The following CADM2 variants were observed in gnomAD, a reference collection of about 807,000 sequenced individuals.
CADM2 encodes immunoglobulin superfamily member 4D.
Under a neutral mutation model 49.8 loss-of-function variants are expected in CADM2, and 12 were observed. That is an observed-to-expected ratio of 0.24 (90% CI 0.15 to 0.39). The LOEUF (loss-of-function observed/expected upper bound fraction) is 0.39. Among genes scored for constraint, CADM2 ranks in the 10% least tolerant of loss-of-function variants. The probability of loss-of-function intolerance (pLI) is 1.00; values close to 1 mark genes in which losing one functional copy is unlikely to be tolerated. For synonymous variants in CADM2, 214 were observed against 175.4 expected (o/e 1.22, Z -1.74); for missense variants, 378 against 492.3 (o/e 0.77, Z 2.20).
At chr3:85,032,271 T>C (rs2035024117) in intron 1 of CADM2, among the ~76,000 whole-genome samples, 1 of 151,812 alleles carries the variant, frequency 6.6e-6, no homozygotes. Context: ...GGAAACAAGG[T>C]CACAAAGATA....
At chr3:85,931,879 A>T (rs1458754538) in intron 6 of CADM2, among the ~76,000 whole-genome samples, 1 of 151,562 alleles carries the variant, frequency 6.6e-6, no homozygotes, top group Non-Finnish European at 1.5e-5. Context: ...TTTAAAATTT[A>T]AAATTATTTT....
chr3:85,846,874 T>C (rs775726509), intron 3 of CADM2, among the ~76,000 whole-genome samples: 35 of 152,112 alleles, frequency 2.3e-4, no homozygotes, highest in Non-Finnish European at 2.9e-5. Context: ...AATAAATAAA[T>C]TAAAATATAA....
intron 1 of CADM2, among the ~76,000 whole-genome samples, chr3:85,020,312 T>C (rs1202673313): frequency 1.3e-5 from 2 of 152,172 alleles, no homozygotes; most frequent in Non-Finnish European, 2.9e-5. Flanking sequence ...ACATTTGCTT[T>C]AGGATTAGAT....
intron 1 of CADM2, among the ~76,000 whole-genome samples, chr3:85,019,898 T>C (rs1283524319): frequency 6.6e-6 from 1 of 152,178 alleles, no homozygotes; most frequent in African/African-American, 2.4e-5. Flanking sequence ...AGTAGATAGA[T>C]TCTAAAACAG....
chr3:85,976,102 G>A (rs1049380053), intron 8 of CADM2, among the ~76,000 whole-genome samples: 2 of 151,504 alleles, frequency 1.3e-5, no homozygotes, highest in Admixed American at 6.6e-5. Context: ...TATGATGTAT[G>A]TGTGCATGTA....
chr3:85,191,285 T>C (rs2041200814), intron 1 of CADM2, among the ~76,000 whole-genome samples: 1 of 152,036 alleles, frequency 6.6e-6, no homozygotes, highest in Non-Finnish European at 1.5e-5. Context: ...TAACTTATTT[T>C]TGAGTCATCA....
chr3:85,310,929 G>A (rs935226900), intron 1 of CADM2, among the ~76,000 whole-genome samples: 11 of 152,114 alleles, frequency 7.2e-5, no homozygotes, highest in African/African-American at 2.7e-4. Flanking sequence ...AGGGAGTGTG[G>A]TGAGTCTATG....
intron 1 of CADM2, among the ~76,000 whole-genome samples, chr3:85,469,638 G>T (rs903161966): frequency 3.9e-5 from 6 of 152,138 alleles, no homozygotes; most frequent in African/African-American, 1.4e-4. Context: ...CTATCAGATG[G>T]GATGTGATTC....
At chr3:85,594,470 T>C (rs2063189666) in intron 1 of CADM2, among the ~76,000 whole-genome samples, 1 of 151,948 alleles carries the variant, frequency 6.6e-6, no homozygotes, top group Non-Finnish European at 1.5e-5. Flanking sequence ...ATAATTGTTT[T>C]GTTGTCCCTA....
chr3:85,871,462 T>G (rs182320862), intron 3 of CADM2, among the ~76,000 whole-genome samples: 1 of 152,296 alleles, frequency 6.6e-6, no homozygotes, highest in Admixed American at 6.5e-5. Flanking sequence ...TTAAGAGATC[T>G]ATAGGCTCTA....
chr3:85,501,755 G>C (rs758175281), intron 1 of CADM2, among the ~76,000 whole-genome samples: 1 of 151,858 alleles, frequency 6.6e-6, no homozygotes, highest in African/African-American at 2.4e-5. Flanking sequence ...GTATATCTTC[G>C]TTTAATACTT....
intron 8 of CADM2, among the ~76,000 whole-genome samples, chr3:86,041,672 A>G (rs1391630465): frequency 1.3e-5 from 2 of 152,118 alleles, no homozygotes; most frequent in African/African-American, 2.4e-5. Flanking sequence ...AGACAGATCA[A>G]CAGACAGAAA....
chr3:85,860,803 A>G (rs903954678), intron 3 of CADM2, among the ~76,000 whole-genome samples: 3 of 152,190 alleles, frequency 2.0e-5, no homozygotes, highest in South Asian at 4.1e-4. Flanking sequence ...CATTCAGACT[A>G]TAACAATCAG....
chr3:85,964,850 A>G (rs1725281988), intron 8 of CADM2, among the ~76,000 whole-genome samples: 1 of 151,608 alleles, frequency 6.6e-6, no homozygotes, highest in South Asian at 2.1e-4. Flanking sequence ...AGTAGTTTCT[A>G]TTTTCTTCTT....
At chr3:86,055,443 C>T (rs886098373) in intron 8 of CADM2, among the ~76,000 whole-genome samples, 1 of 142,302 alleles carries the variant, frequency 7.0e-6, no homozygotes, top group African/African-American at 2.6e-5. Context: ...CAACTCTGGG[C>T]ATCCCCTCTT....
intron 1 of CADM2, among the ~76,000 whole-genome samples, chr3:85,083,829 A>G (rs2037267123): frequency 6.6e-6 from 1 of 152,170 alleles, no homozygotes; most frequent in South Asian, 2.1e-4. Flanking sequence ...ACAGATTTAT[A>G]TTATAAAGAG....
chr3:85,345,313 C>CAAAAAAAAA (rs3085180), intron 1 of CADM2, among the ~76,000 whole-genome samples: 35 of 47,112 alleles, frequency 7.4e-4, no homozygotes, highest in East Asian at 2.6e-3. Context: ...GTCTCCATCT[C>CAAAAAAAAA]AAAAAAAAAA....
At chr3:86,043,626 C>G (rs1736242477) in intron 8 of CADM2, among the ~76,000 whole-genome samples, 3 of 152,136 alleles carry the variant, frequency 2.0e-5, no homozygotes, top group Admixed American at 2.0e-4. Context: ...GTGAAAATGG[C>G]CATACTGTCC....
At chr3:85,923,306 A>G (rs996604869) in intron 6 of CADM2, among the ~76,000 whole-genome samples, 1 of 152,148 alleles carries the variant, frequency 6.6e-6, no homozygotes, top group South Asian at 2.1e-4. Context: ...CCTTCTTTGT[A>G]TTAGAAACTG....
Sources: gnomAD v4.1 joint callset for allele counts (sites outside exome capture counted in the v4.1 genomes callset) on GRCh38, gnomAD v4.1.1 for gene constraint, MANE v1.5 for transcripts, NCBI Gene and HGNC (gene_info 2026-07-23, HGNC 2026-07-21) for gene names.